Variants in NEBL observed in about 807,000 individuals in gnomAD.
The protein encoded by NEBL is nebulette.
NEBL carries 122 observed loss-of-function variants against 140.2 expected under a neutral mutation model. The observed-to-expected ratio is 0.87, with a 90% CI of 0.75 to 1.01. NEBL has a LOEUF of 1.01. Among genes scored for constraint, NEBL ranks in the 50% least tolerant of loss-of-function variants. The pLI, the probability that NEBL is intolerant of heterozygous loss-of-function variation, is 0.00. For synonymous variants in NEBL, 436 were observed against 398.9 expected, an observed-to-expected ratio of 1.09 and a Z score of -1.11; for missense variants, 1,365 against 1,231.3, an observed-to-expected ratio of 1.11 and a Z score of -1.62.
intron 1 of NEBL, among the ~76,000 whole-genome samples, chr10:21,271,279 G>A (rs986638003): frequency 4.6e-5 from 7 of 152,140 alleles, no homozygotes; most frequent in South Asian, 2.1e-4. Context: ...ATGATCTCAC[G>A]TAAACTTCTA....
intron 3 of NEBL, among the ~76,000 whole-genome samples, chr10:21,013,652 T>C (rs528046564): frequency 6.6e-6 from 1 of 152,210 alleles, no homozygotes; most frequent in African/African-American, 2.4e-5. Context: ...CCAAGGTGGG[T>C]AGATCACTTG....
chr10:20,994,585 C>T (rs565661490), intron 3 of NEBL, among the ~76,000 whole-genome samples: 1 of 151,966 alleles, frequency 6.6e-6, no homozygotes, highest in African/African-American at 2.4e-5. Context: ...AGGGCATTGA[C>T]CCCCCCGTAC....
intron 3 of NEBL, among the ~76,000 whole-genome samples, chr10:21,189,588 C>T (rs1397098324): frequency 1.3e-5 from 2 of 152,206 alleles, no homozygotes; most frequent in African/African-American, 2.4e-5. Context: ...CCTCAGCCTC[C>T]CGAGTAGCTG....
intron 18 of NEBL, among the ~76,000 whole-genome samples, chr10:20,825,784 T>C (rs1412326686): frequency 2.6e-5 from 4 of 152,112 alleles, no homozygotes; most frequent in Admixed American, 1.3e-4. Context: ...ATCCGTAATA[T>C]TAAGCACCTT....
chr10:20,951,764 T>C (rs1024353748), intron 4 of NEBL, among the ~76,000 whole-genome samples: 1 of 152,250 alleles, frequency 6.6e-6, no homozygotes, highest in Non-Finnish European at 1.5e-5. Flanking sequence ...ATAAGAGTTC[T>C]GGTTTTTCTT....
intron 3 of NEBL, among the ~76,000 whole-genome samples, chr10:20,966,615 C>G (rs1836328517): frequency 6.6e-6 from 1 of 152,216 alleles, no homozygotes; most frequent in Non-Finnish European, 1.5e-5. Context: ...CTCCCAAGTT[C>G]ATGCAGGGTG....
intron 3 of NEBL, among the ~76,000 whole-genome samples, chr10:21,235,407 C>T (rs910009403): frequency 2.0e-5 from 3 of 152,164 alleles, no homozygotes; most frequent in Admixed American, 6.6e-5. Context: ...GGCGCGATCT[C>T]GGGTTCAAGC....
intron 4 of NEBL, among the ~76,000 whole-genome samples, chr10:20,921,407 A>G (rs1458511820): frequency 6.6e-6 from 1 of 152,174 alleles, no homozygotes; most frequent in Non-Finnish European, 1.5e-5. Flanking sequence ...AGTTTGGCCA[A>G]TGGAGGCAGG....
chr10:20,803,547 C>T (rs925431074), intron 26 of NEBL, among the ~76,000 whole-genome samples: 36 of 152,072 alleles, frequency 2.4e-4, no homozygotes, highest in South Asian at 2.1e-4. Context: ...AGAAAAATAG[C>T]GTTTCTAAAT....
At chr10:21,137,018 G>A (rs1839385995) in intron 2 of NEBL, among the ~76,000 whole-genome samples, 1 of 152,074 alleles carries the variant, frequency 6.6e-6, no homozygotes, top group Admixed American at 6.6e-5. Context: ...TTCTTAATTT[G>A]GCAAGGAAAA....
chr10:21,178,922 A>C (rs1241159378), upstream of NEBL, among the ~76,000 whole-genome samples: 11 of 152,208 alleles, frequency 7.2e-5, no homozygotes, highest in Admixed American at 7.2e-4. Context: ...CCTTTGTGGC[A>C]GGCAAAATAA....
At chr10:21,171,465 T>C (rs1367601392) in intron 2 of NEBL, 2 of 152,062 alleles carry the variant, frequency 1.3e-5, no homozygotes, top group African/African-American at 4.8e-5. Flanking sequence ...GAGAAACATA[T>C]GCCCCTGGGC....
At chr10:20,791,430 G>T (rs749688865) in intron 26 of NEBL, among the ~76,000 whole-genome samples, 1 of 152,044 alleles carries the variant, frequency 6.6e-6, no homozygotes, top group Non-Finnish European at 1.5e-5. Context: ...TTGAGATGGG[G>T]TCTCACTCTG....
At chr10:21,167,014 C>A (rs577060700) in intron 2 of NEBL, among the ~76,000 whole-genome samples, 1 of 152,160 alleles carries the variant, frequency 6.6e-6, no homozygotes, top group Non-Finnish European at 1.5e-5. Flanking sequence ...TGACCAGCAG[C>A]GAAATGGTAC....
intron 4 of NEBL, among the ~76,000 whole-genome samples, chr10:20,904,341 C>T (rs1848001627): frequency 6.6e-6 from 1 of 152,118 alleles, no homozygotes; most frequent in African/African-American, 2.4e-5. Context: ...TTTGAACCAA[C>T]TGTAAGGTCT....
chr10:20,831,753 T>C (rs1840445925), intron 14 of NEBL, among the ~76,000 whole-genome samples, 170 bp from the exon 15 acceptor site: 1 of 152,118 alleles, frequency 6.6e-6, no homozygotes, highest in South Asian at 2.1e-4. Context: ...GAATACGACT[T>C]AGTATAACTT....
At chr10:20,884,224 A>G (rs1846261809) in intron 4 of NEBL, among the ~76,000 whole-genome samples, 1 of 152,246 alleles carries the variant, frequency 6.6e-6, no homozygotes, top group Admixed American at 6.5e-5. Flanking sequence ...TCACTTATAG[A>G]TTTTTTTGGC....
In NEBL at chr10:20,981,323, T is replaced by C. The variant is rs569935235; in HGVS notation, c.250-19544A>G. Among the ~76,000 whole-genome samples the C allele has an allele frequency of 9.2e-4, 140 of 151,524 alleles. 1 individual carries two copies. In the South Asian group the frequency reaches 0.019, roughly 21 times the overall value. On this transcript the variant is annotated intron_variant, in intron 3 of 6. Transcript: ENST00000417816. ...CCAGAAAAGAAAAAAAAAAAAGACA[T>C]TCTAATGTTGACTTCACAAACACAG... is the stretch of plus-strand genomic sequence containing the variant.
At chr10:21,238,014 C>CT in intron 3 of NEBL, among the ~76,000 whole-genome samples, 1 of 152,356 alleles carries the variant, frequency 6.6e-6, no homozygotes, top group Admixed American at 6.5e-5. Context: ...GTCTTCATCC[C>CT]TACAGCCCAT....
Sources: allele counts gnomAD v4.1 joint callset (sites outside exome capture counted in the v4.1 genomes callset), GRCh38; gene constraint gnomAD v4.1.1; transcripts MANE v1.5; gene names NCBI Gene and HGNC (gene_info 2026-07-23, HGNC 2026-07-21).